ADAMTS19: variants seen among roughly 807,000 people sequenced by gnomAD.
The protein encoded by ADAMTS19 is ADAM metallopeptidase with thrombospondin type 1 motif 19.
Under a neutral mutation model 153.3 loss-of-function variants are expected in ADAMTS19, and 93 were observed. The ratio of observed to expected loss-of-function variants is 0.61; its 90% CI spans 0.51 to 0.72. ADAMTS19 has a LOEUF of 0.72. Ranked by LOEUF, ADAMTS19 falls within the 30% of genes least tolerant of loss-of-function variation. The pLI, the probability that ADAMTS19 is intolerant of heterozygous loss-of-function variation, is 0.00. For missense variants in ADAMTS19, 1,482 were observed against 1,552.1 expected, an observed-to-expected ratio of 0.95 and a Z score of 0.76; for synonymous variants, 600 against 556.6, an observed-to-expected ratio of 1.08 and a Z score of -1.10.
In ADAMTS19 at chr5:129,647,762, T is replaced by C. The variant is rs1561625407; in HGVS notation, c.1873-3T>C. The C allele has an allele frequency of 3.1e-6, 5 of 1,613,332 alleles. No homozygotes were observed. Among genetic ancestry groups the C allele is most frequent in the African/African-American group, 1.3e-5 (1 of 75,032 alleles). On this transcript the variant is annotated splice_region_variant and splice_polypyrimidine_tract_variant and intron_variant, in intron 11 of 22. Coordinates refer to ENST00000274487, the MANE Select transcript of ADAMTS19 (RefSeq NM_133638.6). ...TTCACCTAAGACATAACTTTTGGAA[T>C]AGTGGTGTAAGGCTGGAGAATGTAC...
chr5:129,623,137 C>T (rs910861438), intron 10 of ADAMTS19, among the ~76,000 whole-genome samples: 3 of 151,966 alleles, frequency 2.0e-5, no homozygotes, highest in Non-Finnish European at 4.4e-5. Flanking sequence ...TAAGAGAGTA[C>T]ATTTCTACAT....
intron 10 of ADAMTS19, among the ~76,000 whole-genome samples, chr5:129,631,453 C>T (rs1181483848): frequency 1.3e-5 from 2 of 151,894 alleles, no homozygotes; most frequent in Non-Finnish European, 2.9e-5. Context: ...AAATATCCTA[C>T]TATGACTGCA....
At chr5:129,477,724 G>A (rs887973822) in intron 2 of ADAMTS19, among the ~76,000 whole-genome samples, 1 of 152,210 alleles carries the variant, frequency 6.6e-6, no homozygotes, top group African/African-American at 2.4e-5. Flanking sequence ...GTCTTCACAA[G>A]TGCACAGTGT....
chr5:129,594,182 A>C (rs1405084356), intron 7 of ADAMTS19, among the ~76,000 whole-genome samples: 1 of 152,186 alleles, frequency 6.6e-6, no homozygotes, highest in African/African-American at 2.4e-5. Context: ...TAGAAGAAAT[A>C]AGAATTAGAA....
At chr5:129,593,771 A>G (rs1034242689) in intron 7 of ADAMTS19, among the ~76,000 whole-genome samples, 1 of 152,190 alleles carries the variant, frequency 6.6e-6, no homozygotes, top group Non-Finnish European at 1.5e-5. Flanking sequence ...TCAACTGAGT[A>G]CTATGTTAGT....
intron 8 of ADAMTS19, among the ~76,000 whole-genome samples, chr5:129,601,297 A>G (rs1750638405): frequency 6.6e-6 from 1 of 152,090 alleles, no homozygotes; most frequent in Non-Finnish European, 1.5e-5. Context: ...GAAGTCTAAA[A>G]CTTTATTTTT....
intron 10 of ADAMTS19, among the ~76,000 whole-genome samples, chr5:129,631,681 T>C (rs1752304948): frequency 6.6e-6 from 1 of 151,962 alleles, no homozygotes; most frequent in Non-Finnish European, 1.5e-5. Context: ...ATTTTGTGTG[T>C]TTATTTTTTT....
chr5:129,715,904 G>A (rs1050540175), intron 21 of ADAMTS19, among the ~76,000 whole-genome samples: 2 of 152,094 alleles, frequency 1.3e-5, no homozygotes, highest in African/African-American at 4.8e-5. Context: ...TACCTGGGGA[G>A]AGAGTGTAGC....
At chr5:129,658,534 A>G (rs769885374) in intron 14 of ADAMTS19, 83 bp from the exon 15 acceptor site, 103 of 1,393,778 alleles carry the variant, frequency 7.4e-5, no homozygotes, top group South Asian at 2.6e-4. Context: ...TCTGGTTTAT[A>G]GAGACTAGGT....
chr5:129,598,258 A>T (rs2126923665), intron 8 of ADAMTS19, among the ~76,000 whole-genome samples: 1 of 152,316 alleles, frequency 6.6e-6, no homozygotes, highest in Non-Finnish European at 1.5e-5. Flanking sequence ...CCTTTAAATT[A>T]GACCCATCTT....
intron 8 of ADAMTS19, among the ~76,000 whole-genome samples, chr5:129,609,815 T>C (rs916268876): frequency 6.6e-6 from 1 of 152,190 alleles, no homozygotes; most frequent in Non-Finnish European, 1.5e-5. Context: ...TTTGCAATTC[T>C]CTGATGTTTC....
intron 16 of ADAMTS19, among the ~76,000 whole-genome samples, chr5:129,676,737 A>G (rs1346305098): frequency 2.0e-5 from 3 of 152,232 alleles, no homozygotes; most frequent in South Asian, 2.1e-4. Flanking sequence ...TTTTAAATTA[A>G]CAAATTAAAA....
intron 16 of ADAMTS19, among the ~76,000 whole-genome samples, chr5:129,668,452 C>A (rs1384755368): frequency 1.3e-5 from 2 of 152,094 alleles, no homozygotes; most frequent in Admixed American, 1.3e-4. Flanking sequence ...ATTTGGTGCC[C>A]TTTAAGGGCT....
chr5:129,620,610 CA>C lies in ADAMTS19; in HGVS notation c.1479-5del, dbSNP rs1751735237. On this transcript the variant is annotated splice_polypyrimidine_tract_variant and splice_region_variant and intron_variant, in intron 8 of 22. Coordinates refer to ENST00000274487, the MANE Select transcript of ADAMTS19 (RefSeq NM_133638.6). ...TAAATTTTAAAATTTTATTATATTC[CA>C]AATCAGCATGGGCATTAACCATGAC... 6.5e-7 allele frequency: 1 copy of C among 1,547,514 alleles called. No individual in the cohort carries two copies. Among genetic ancestry groups the C allele is most frequent in the East Asian group, 2.3e-5 (1 of 42,554 alleles).
At chr5:129,496,825 G>T (rs1380965498) in intron 2 of ADAMTS19, among the ~76,000 whole-genome samples, 1 of 152,086 alleles carries the variant, frequency 6.6e-6, no homozygotes. Context: ...AAGTGCTAGG[G>T]TGGGTGGCGA....
intron 2 of ADAMTS19, among the ~76,000 whole-genome samples, chr5:129,480,028 G>A (rs1018533735): frequency 6.8e-4 from 104 of 152,170 alleles, no homozygotes; most frequent in African/African-American, 2.3e-3. Context: ...CAAAGTTGGA[G>A]AACTTACATG....
chr5:129,652,196 G>A (rs25810), intron 13 of ADAMTS19, among the ~76,000 whole-genome samples: 62,208 of 151,896 alleles, frequency 0.41, 13,987 homozygotes, highest in African/African-American at 0.61. Context: ...TTTGCAACAC[G>A]TATCAATCAA....
chr5:129,704,752 G>T (rs537207278), intron 21 of ADAMTS19, among the ~76,000 whole-genome samples: 1 of 152,104 alleles, frequency 6.6e-6, no homozygotes, highest in African/African-American at 2.4e-5. Flanking sequence ...ATATAATTAA[G>T]TAAGGTAGCA....
At chr5:129,682,930 G>T (rs897142227) in intron 17 of ADAMTS19, among the ~76,000 whole-genome samples, 2 of 152,034 alleles carry the variant, frequency 1.3e-5, no homozygotes, top group African/African-American at 4.8e-5. Context: ...AAAATGTTCA[G>T]ACACTTAAAC....
Sources: gnomAD v4.1 joint callset for allele counts (sites outside exome capture counted in the v4.1 genomes callset) on GRCh38, gnomAD v4.1.1 for gene constraint, MANE v1.5 for transcripts, NCBI Gene and HGNC (gene_info 2026-07-23, HGNC 2026-07-21) for gene names.